Variants in OR6N1 observed in about 807,000 individuals in gnomAD.
The protein encoded by OR6N1 is olfactory receptor family 6 subfamily N member 1, also known as olfactory receptor 6N1.
For missense variants in OR6N1, 394 were observed against 371.7 expected (o/e 1.06, Z -0.49); for synonymous variants, 170 against 150.7 (o/e 1.13, Z -0.94).
chr1:158,830,228 C>T, the OR6N1 span, among the ~76,000 whole-genome samples: 2 of 152,162 alleles, frequency 1.3e-5, no homozygotes, highest in Non-Finnish European at 2.9e-5. Flanking sequence ...TACCTTAAGA[C>T]CTGCTCGAAG....
At chr1:158,796,110 A>G in the OR6N1 span, 1 of 152,248 alleles carries the variant, frequency 6.6e-6, no homozygotes, top group East Asian at 1.9e-4. Context: ...GTGCTGTTCT[A>G]CAGCATTGTC....
chr1:158,834,155 G>A, the OR6N1 span, among the ~76,000 whole-genome samples: 16 of 151,086 alleles, frequency 1.1e-4, no homozygotes, highest in Admixed American at 5.3e-4. Flanking sequence ...GATTATTGCC[G>A]TTGAGCATAC....
At chr1:158,792,151 C>A in the OR6N1 span, among the ~76,000 whole-genome samples, 3 of 152,052 alleles carry the variant, frequency 2.0e-5, no homozygotes, top group Admixed American at 6.6e-5. Context: ...TATATAGTAA[C>A]CTTCTTTGTA....
the OR6N1 span, among the ~76,000 whole-genome samples, chr1:158,784,764 A>G: frequency 6.6e-6 from 1 of 152,116 alleles, no homozygotes. Context: ...ATTCTTTTTT[A>G]TGGCTGAATG....
chr1:158,825,164 G>A, the OR6N1 span, among the ~76,000 whole-genome samples: 3 of 152,146 alleles, frequency 2.0e-5, no homozygotes, highest in Non-Finnish European at 2.9e-5. Flanking sequence ...AAAGGGCCAG[G>A]CGCAGTGGCT....
At chr1:158,819,235 AG>A in the OR6N1 span, among the ~76,000 whole-genome samples, 1 of 152,180 alleles carries the variant, frequency 6.6e-6, no homozygotes, top group Non-Finnish European at 1.5e-5. Context: ...AATGTAGATC[AG>A]GATGTCAAAG....
At chr1:158,792,137 A>G in the OR6N1 span, among the ~76,000 whole-genome samples, 1 of 152,096 alleles carries the variant, frequency 6.6e-6, no homozygotes, top group South Asian at 2.1e-4. Flanking sequence ...TTATTTTTTA[A>G]CATTATATAG....
At chr1:158,780,559 T>C in the OR6N1 span, among the ~76,000 whole-genome samples, 1 of 152,206 alleles carries the variant, frequency 6.6e-6, no homozygotes, top group African/African-American at 2.4e-5. Flanking sequence ...CCAAACATCA[T>C]ATGTTAGCCT....
chr1:158,796,712 G>A, the OR6N1 span, among the ~76,000 whole-genome samples: 1 of 151,972 alleles, frequency 6.6e-6, no homozygotes, highest in Non-Finnish European at 1.5e-5. Flanking sequence ...TGTCTTATTA[G>A]TGTTGGTTAC....
At chr1:158,840,114 A>T in the OR6N1 span, among the ~76,000 whole-genome samples, 1 of 152,150 alleles carries the variant, frequency 6.6e-6, no homozygotes, top group African/African-American at 2.4e-5. Flanking sequence ...TAGGCACTGC[A>T]AGTGTCCCAG....
upstream of OR6N1, chr1:158,775,965 C>T (rs1657582698): frequency 6.6e-6 from 1 of 152,114 alleles, no homozygotes; most frequent in Admixed American, 6.6e-5. Flanking sequence ...ATATATAAAT[C>T]TAAATCTCAG....
the OR6N1 span, among the ~76,000 whole-genome samples, chr1:158,789,222 C>T: frequency 0.063 from 9,612 of 152,150 alleles, 587 homozygotes; most frequent in Admixed American, 0.14. Flanking sequence ...GTGTATATGC[C>T]ACATTTTCTT....
At chr1:158,787,620 A>ATCTCTCTCTCTCTC in the OR6N1 span, among the ~76,000 whole-genome samples, 1 of 122,572 alleles carries the variant, frequency 8.2e-6, no homozygotes, top group African/African-American at 3.3e-5. Flanking sequence ...CTATCTCTCT[A>ATCTCTCTCTCTCTC]TCTCTCTCTC....
At chr1:158,837,625 C>T in the OR6N1 span, among the ~76,000 whole-genome samples, 1 of 151,688 alleles carries the variant, frequency 6.6e-6, no homozygotes. Context: ...GCAACATATA[C>T]TTGGATCCCC....
the OR6N1 span, among the ~76,000 whole-genome samples, chr1:158,810,327 A>G: frequency 6.6e-6 from 1 of 152,112 alleles, no homozygotes; most frequent in South Asian, 2.1e-4. Context: ...GGTTTTGATG[A>G]CATTAGAACT....
the OR6N1 span, among the ~76,000 whole-genome samples, chr1:158,837,211 T>A: frequency 6.6e-6 from 1 of 151,912 alleles, no homozygotes; most frequent in African/African-American, 2.4e-5. Flanking sequence ...CTGTTAGATA[T>A]AATTGGTCTA....
the OR6N1 span, among the ~76,000 whole-genome samples, chr1:158,794,251 G>GCTGC: frequency 6.6e-6 from 1 of 152,188 alleles, no homozygotes; most frequent in African/African-American, 2.4e-5. Flanking sequence ...AAGCGTCAGG[G>GCTGC]CTGCCTGCCT....
chr1:158,820,545 C>T, the OR6N1 span, among the ~76,000 whole-genome samples: 1 of 152,146 alleles, frequency 6.6e-6, no homozygotes, highest in African/African-American at 2.4e-5. Flanking sequence ...TTGTTGATTC[C>T]TATTATTGTT....
At chr1:158,777,322 T>G in the OR6N1 span, 1 of 1,613,586 alleles carries the variant, frequency 6.2e-7, no homozygotes, top group Admixed American at 1.7e-5. Context: ...TCCCAAGGAG[T>G]GGAAGAAGTA....
Sources: allele counts gnomAD v4.1 joint callset (sites outside exome capture counted in the v4.1 genomes callset), GRCh38; gene constraint gnomAD v4.1.1; transcripts MANE v1.5; gene names NCBI Gene and HGNC (gene_info 2026-07-23, HGNC 2026-07-21).